Variants in MTR observed in about 807,000 individuals in gnomAD.
MTR encodes the protein 5-methyltetrahydrofolate-homocysteine methyltransferase, also known as methionine synthase.
In MTR, 84 loss-of-function variants were observed where a neutral mutation model predicts 154.8. The observed-to-expected ratio is 0.54, with a 90% CI of 0.45 to 0.65. MTR has a LOEUF of 0.65. Among genes scored for constraint, MTR ranks in the 30% least tolerant of loss-of-function variants. The probability of loss-of-function intolerance (pLI) is 0.00; values close to 1 mark genes in which losing one functional copy is unlikely to be tolerated. For synonymous variants in MTR, 554 were observed against 553.9 expected, an observed-to-expected ratio of 1.00 and a Z score of 0.00; for missense variants, 1,275 against 1,570.2, an observed-to-expected ratio of 0.81 and a Z score of 3.18.
chr1:236,806,196 C>G lies in MTR; in HGVS notation c.302C>G (p.Thr101Ser), dbSNP rs980644569. 1.4e-5 allele frequency: 23 copies of G among 1,614,046 alleles called. No homozygotes were observed. Among genetic ancestry groups the G allele is most frequent in the Non-Finnish European group, 1.8e-5 (21 of 1,180,016 alleles). ...DIIETNTFSS[T>S]SIAQADYGLE... ...ATTGAAACAAATACTTTTAGCAGCA[C>G]TAGTATTGCCCAAGCTGACTATGGC... The change falls in exon 3 of 33, where the codon ACT becomes AGT. Residue 101 changes from threonine to serine, a missense_variant. By Grantham distance (58) the Thr-to-Ser change is moderately conservative. Coordinates refer to ENST00000366577, the MANE Select transcript of MTR (RefSeq NM_000254.3).
chr1:236,806,381 A>C, intron 3 of MTR, 148 bp downstream of exon 3: 1 of 736,090 alleles, frequency 1.4e-6, no homozygotes, highest in Non-Finnish European at 2.4e-6. Context: ...AATGGTGTGA[A>C]TCCTTCCAGC....
At position 236,826,214 on chromosome 1, in the gene MTR, T is replaced by C. The variant is rs150053322; in HGVS notation, c.928-615T>C. Among the ~76,000 whole-genome samples the C allele has an allele frequency of 2.5e-3, 381 of 152,340 alleles. 2 individuals carry two copies. Among genetic ancestry groups the C allele is most frequent in the African/African-American group, 8.1e-3 (338 of 41,588 alleles). On this transcript the variant is annotated intron_variant, in intron 10 of 32. Coordinates refer to ENST00000366577, the MANE Select transcript of MTR (RefSeq NM_000254.3). ...TACTCTATTTTGTGTTATTTGAAAA[T>C]GTGTTATCCAACTCATATTCATTCA... is the stretch of plus-strand genomic sequence containing the variant.
intron 22 of MTR, among the ~76,000 whole-genome samples, chr1:236,870,814 C>G (rs1043785687): frequency 6.6e-6 from 1 of 152,190 alleles, no homozygotes; most frequent in African/African-American, 2.4e-5. Flanking sequence ...CTCCCCAGCT[C>G]TCCCCTATTT....
intron 29 of MTR, among the ~76,000 whole-genome samples, chr1:236,891,662 C>T (rs1452247902): frequency 2.0e-5 from 3 of 152,170 alleles, no homozygotes; most frequent in African/African-American, 7.2e-5. Flanking sequence ...AGAACACTCA[C>T]TTGTTCAAAA....
At chr1:236,836,398 A>G (rs1662907162) in intron 14 of MTR, among the ~76,000 whole-genome samples, 1 of 151,986 alleles carries the variant, frequency 6.6e-6, no homozygotes, top group South Asian at 2.1e-4. Flanking sequence ...GGCACGCATC[A>G]TTTAAAAAAA....
At chr1:236,831,530 G>A (rs1377149659) in intron 12 of MTR, among the ~76,000 whole-genome samples, 2 of 152,144 alleles carry the variant, frequency 1.3e-5, no homozygotes, top group African/African-American at 2.4e-5. Context: ...CACACCATTG[G>A]TGGGATTAAA....
rs1293429738 is a variant in MTR at position 236,903,655 on chromosome 1, CACAG to C, written c.*6015_*6018del. 6.6e-6 allele frequency: 1 copy of C among 152,140 alleles called. No homozygotes were observed. Among genetic ancestry groups the C allele is most frequent in the East Asian group, 1.9e-4 (1 of 5,186 alleles). 9.4% of individuals were successfully genotyped at this position (152,140 alleles called of 1,614,324 possible). ...AGACAGAGTCACAAATGCTGTTGAT[CACAG>C]ACAATCTCTGCCATCCATAAGGTAA... is the stretch of plus-strand genomic sequence containing the variant. On this transcript the variant is annotated 3_prime_UTR_variant, in exon 33 of 33. Transcript: ENST00000366577.
At chr1:236,829,986 C>G (rs1662516948) in intron 12 of MTR, among the ~76,000 whole-genome samples, 1 of 152,112 alleles carries the variant, frequency 6.6e-6, no homozygotes, top group South Asian at 2.1e-4. Flanking sequence ...ATTATGTTCC[C>G]TAATAGCTTA....
At chr1:236,878,018 T>C (rs531571593) in intron 24 of MTR, among the ~76,000 whole-genome samples, 1 of 152,354 alleles carries the variant, frequency 6.6e-6, no homozygotes, top group East Asian at 1.9e-4. Context: ...TTTTAAAAAT[T>C]GGGTATTCTG....
At chr1:236,853,274 A>G (rs1664024454) in intron 18 of MTR, among the ~76,000 whole-genome samples, 186 bp downstream of exon 18, 1 of 152,204 alleles carries the variant, frequency 6.6e-6, no homozygotes, top group Admixed American at 6.5e-5. Flanking sequence ...TAAACAGACC[A>G]TGCCTAGGGT....
chr1:236,871,516 T>TAAA (rs142168698), intron 22 of MTR, among the ~76,000 whole-genome samples: 1 of 151,086 alleles, frequency 6.6e-6, no homozygotes, highest in Non-Finnish European at 1.5e-5. Context: ...TATACAATGT[T>TAAA]AAAAAAAAAA....
At chr1:236,807,226 T>A (rs975823379) in intron 3 of MTR, among the ~76,000 whole-genome samples, 2 of 152,058 alleles carry the variant, frequency 1.3e-5, no homozygotes, top group African/African-American at 4.8e-5. Context: ...CAGGCTGGAG[T>A]GCAGTGGAGT....
At position 236,897,991 on chromosome 1, in the gene MTR, C is replaced by T. The variant is rs1666758901; in HGVS notation, c.*347C>T. The T allele has an allele frequency of 3.8e-6, 1 of 263,586 alleles. No individual in the cohort carries two copies. The highest frequency in any genetic ancestry group is 7.2e-6 in the Non-Finnish European group (1 of 138,004). 16.3% of individuals were successfully genotyped at this position (263,586 alleles called of 1,614,324 possible). Reference sequence around the variant, plus strand: ...GTTTTTACAGTGGAATCTAGGAGGCCACTTAGTCGTCTTTTTTTCCTCTTA... The same window carrying T: ...GTTTTTACAGTGGAATCTAGGAGGCTACTTAGTCGTCTTTTTTTCCTCTTA... On this transcript the variant is annotated 3_prime_UTR_variant, in exon 33 of 33. Coordinates refer to ENST00000366577, the MANE Select transcript of MTR (RefSeq NM_000254.3).
At chr1:236,834,808 CTTT>C (rs1420008464) in intron 13 of MTR, among the ~76,000 whole-genome samples, 2 of 152,132 alleles carry the variant, frequency 1.3e-5, no homozygotes, top group Non-Finnish European at 2.9e-5. Context: ...GTATATAAGA[CTTT>C]TTGGAACACT....
chr1:236,800,110 T>C (rs1189071374), intron 1 of MTR: 1 of 985,290 alleles, frequency 1.0e-6, no homozygotes, highest in African/African-American at 1.7e-5. Flanking sequence ...CTAAGACTTT[T>C]TATGAAAATG....
chr1:236,872,350 C>G (rs1034847446), intron 22 of MTR, among the ~76,000 whole-genome samples: 2 of 152,136 alleles, frequency 1.3e-5, no homozygotes, highest in African/African-American at 2.4e-5. Context: ...GTCTTGCCCT[C>G]TTGCCCTCGG....
intron 24 of MTR, among the ~76,000 whole-genome samples, chr1:236,876,849 C>T (rs1365411131): frequency 6.6e-6 from 1 of 152,196 alleles, no homozygotes; most frequent in Admixed American, 6.5e-5. Flanking sequence ...ACCAACATCT[C>T]TTCAGTTACT....
At chr1:236,877,430 A>G (rs1351439089) in intron 24 of MTR, among the ~76,000 whole-genome samples, 1 of 152,152 alleles carries the variant, frequency 6.6e-6, no homozygotes, top group Non-Finnish European at 1.5e-5. Flanking sequence ...CTTTCCAACA[A>G]AAGTAACCAC....
chr1:236,845,942 A>G (rs1257242253), intron 15 of MTR, among the ~76,000 whole-genome samples: 2 of 152,186 alleles, frequency 1.3e-5, no homozygotes, highest in African/African-American at 4.8e-5. Context: ...ATAGGGGAAA[A>G]AAACAACTCC....
Sources: allele counts gnomAD v4.1 joint callset (sites outside exome capture counted in the v4.1 genomes callset), GRCh38; gene constraint gnomAD v4.1.1; transcripts MANE v1.5; gene names NCBI Gene and HGNC (gene_info 2026-07-23, HGNC 2026-07-21).